Variants in NLGN1 observed in about 807,000 individuals in gnomAD.
NLGN1 encodes neuroligin-1.
NLGN1 carries 12 observed loss-of-function variants against 65.5 expected under a neutral mutation model. The ratio of observed to expected loss-of-function variants is 0.18; its 90% CI spans 0.12 to 0.30. NLGN1 has a LOEUF of 0.30. Ranked by LOEUF, NLGN1 falls within the 10% of genes least tolerant of loss-of-function variation. The probability of loss-of-function intolerance (pLI) is 1.00; values close to 1 mark genes in which losing one functional copy is unlikely to be tolerated. For missense variants in NLGN1, 750 were observed against 1,007.1 expected (o/e 0.74, Z 3.46); for synonymous variants, 350 against 359.5 (o/e 0.97, Z 0.30).
At chr3:174,180,775 T>C (rs1730251256) in intron 4 of NLGN1, 1 of 152,090 alleles carries the variant, frequency 6.6e-6, no homozygotes, top group Admixed American at 6.6e-5. Context: ...ATAAACATTT[T>C]AACTTCCCAC....
intron 4 of NLGN1, among the ~76,000 whole-genome samples, chr3:173,815,782 C>A (rs969061319): frequency 6.6e-6 from 1 of 152,080 alleles, no homozygotes; most frequent in Admixed American, 6.5e-5. Context: ...CAAGACTAAC[C>A]CTTCCTCAGA....
intron 3 of NLGN1, among the ~76,000 whole-genome samples, chr3:173,745,490 GTTAT>G (rs747477032): frequency 1.9e-3 from 285 of 152,018 alleles, no homozygotes; most frequent in Non-Finnish European, 3.4e-3. Flanking sequence ...GAAAGAGTTG[GTTAT>G]TTATTTATTT....
chr3:173,702,217 C>T (rs1239151868), intron 3 of NLGN1, among the ~76,000 whole-genome samples: 25 of 137,706 alleles, frequency 1.8e-4, no homozygotes, highest in Admixed American at 7.7e-4. Flanking sequence ...CCAGCCTGGG[C>T]GACAGAGCGA....
At chr3:173,529,014 C>A (rs1171375078) in intron 2 of NLGN1, among the ~76,000 whole-genome samples, 1 of 152,184 alleles carries the variant, frequency 6.6e-6, no homozygotes, top group East Asian at 1.9e-4. Context: ...TCAGATTTTA[C>A]ATGGTACCAG....
intron 1 of NLGN1, among the ~76,000 whole-genome samples, chr3:173,408,866 T>C (rs1186487283): frequency 3.4e-5 from 5 of 149,000 alleles, no homozygotes; most frequent in East Asian, 2.0e-4. Flanking sequence ...GAGCCGAGAT[T>C]GTGCCACTGC....
At chr3:173,948,227 T>G (rs2152323442) in intron 4 of NLGN1, among the ~76,000 whole-genome samples, 1 of 152,342 alleles carries the variant, frequency 6.6e-6, no homozygotes, top group African/African-American at 2.4e-5. Flanking sequence ...TCTTTATTTA[T>G]ATAATGAGAT....
At chr3:173,797,696 C>CAAAAA (rs112560290) in intron 3 of NLGN1, among the ~76,000 whole-genome samples, 4 of 144,682 alleles carry the variant, frequency 2.8e-5, no homozygotes, top group African/African-American at 1.0e-4. Flanking sequence ...ACAACAACAA[C>CAAAAA]AACAAAAAAA....
chr3:173,808,875 G>C (rs779312539), intron 4 of NLGN1, among the ~76,000 whole-genome samples: 1 of 152,038 alleles, frequency 6.6e-6, no homozygotes, highest in Non-Finnish European at 1.5e-5. Context: ...TTTTATCCAC[G>C]TTGAGAATCA....
chr3:173,590,945 C>A (rs1375598133), intron 2 of NLGN1, among the ~76,000 whole-genome samples: 1 of 152,068 alleles, frequency 6.6e-6, no homozygotes, highest in Non-Finnish European at 1.5e-5. Context: ...TACATTAGAG[C>A]TATTTTCTTC....
At chr3:174,251,118 C>T (rs1744700251) in intron 4 of NLGN1, among the ~76,000 whole-genome samples, 1 of 151,912 alleles carries the variant, frequency 6.6e-6, no homozygotes, top group Non-Finnish European at 1.5e-5. Context: ...AAACTATGTA[C>T]AAAAATAGGA....
At chr3:174,044,025 A>G (rs1332423438) in intron 4 of NLGN1, among the ~76,000 whole-genome samples, 2 of 152,140 alleles carry the variant, frequency 1.3e-5, no homozygotes, top group African/African-American at 4.8e-5. Context: ...ACTTAACACC[A>G]TGAGGAAGCT....
At chr3:173,436,139 T>C (rs909500419) in intron 2 of NLGN1, among the ~76,000 whole-genome samples, 8 of 152,206 alleles carry the variant, frequency 5.3e-5, no homozygotes, top group Non-Finnish European at 1.0e-4. Context: ...CAGCACTTGT[T>C]GAGAAGAAAA....
chr3:173,539,652 C>CATACATAACAT (rs1560406074), intron 2 of NLGN1, among the ~76,000 whole-genome samples: 1 of 103,592 alleles, frequency 9.7e-6, no homozygotes, highest in Non-Finnish European at 2.0e-5. Flanking sequence ...ACATATATAA[C>CATACATAACAT]ATATGTGTAT....
intron 2 of NLGN1, among the ~76,000 whole-genome samples, chr3:173,462,443 C>T (rs1723563230): frequency 6.6e-6 from 1 of 152,122 alleles, no homozygotes; most frequent in African/African-American, 2.4e-5. Context: ...TTTTGTTCCT[C>T]TTGCTAATTT....
At chr3:173,567,153 T>A (rs937449410) in intron 2 of NLGN1, among the ~76,000 whole-genome samples, 8 of 152,146 alleles carry the variant, frequency 5.3e-5, no homozygotes, top group African/African-American at 1.9e-4. Context: ...ATTTTATGTG[T>A]GTGTGTATAA....
chr3:173,837,500 C>G (rs905579984), intron 4 of NLGN1, among the ~76,000 whole-genome samples: 1 of 151,956 alleles, frequency 6.6e-6, no homozygotes, highest in Non-Finnish European at 1.5e-5. Flanking sequence ...CTCTGAAAAG[C>G]CTTTTGTTTC....
At chr3:173,932,520 AAG>A (rs1226076756) in intron 4 of NLGN1, among the ~76,000 whole-genome samples, 1 of 151,886 alleles carries the variant, frequency 6.6e-6, no homozygotes, top group Admixed American at 6.6e-5. Context: ...AAAAAAAAAA[AAG>A]TGTGGTAGGA....
chr3:173,521,917 T>A (rs914267826), intron 2 of NLGN1, among the ~76,000 whole-genome samples: 8 of 152,336 alleles, frequency 5.3e-5, no homozygotes, highest in African/African-American at 1.7e-4. Context: ...TTCAATACAT[T>A]CTATGCATTT....
Position 173,523,555 on chromosome 3 carries a change from A to G in NLGN1, c.-320-80724A>G, listed in dbSNP as rs571916864. Among the ~76,000 whole-genome samples the G allele has an allele frequency of 2.0e-5, 3 of 151,754 alleles. No individual in the cohort carries two copies. The South Asian group carries it at 6.3e-4, about 32-fold the overall frequency. On this transcript the variant is annotated intron_variant, in intron 2 of 6. Coordinates refer to ENST00000457714, the Ensembl canonical transcript of NLGN1. The stretch of plus-strand genomic sequence containing the variant: ...ATTTTTGTCAACTTTGTCAAAGATT[A>G]GTGGGTTATAGATATGTGGCTTTAT...
Sources: allele counts gnomAD v4.1 joint callset (sites outside exome capture counted in the v4.1 genomes callset), GRCh38; gene constraint gnomAD v4.1.1; transcripts MANE v1.5; gene names NCBI Gene and HGNC (gene_info 2026-07-23, HGNC 2026-07-21).